RPS6KA2: variants seen among roughly 807,000 people sequenced by gnomAD.
RPS6KA2 encodes ribosomal protein S6 kinase A2.
RPS6KA2 carries 42 observed loss-of-function variants against 91.8 expected under a neutral mutation model. The ratio of observed to expected loss-of-function variants is 0.46; its 90% CI spans 0.36 to 0.59. The LOEUF is 0.59. RPS6KA2 is among the 20% of genes least tolerant of loss of function. The probability of loss-of-function intolerance (pLI) is 0.00; values close to 1 mark genes in which losing one functional copy is unlikely to be tolerated. For synonymous variants in RPS6KA2, 414 were observed against 393.6 expected, an observed-to-expected ratio of 1.05 and a Z score of -0.61; for missense variants, 798 against 978.5, an observed-to-expected ratio of 0.82 and a Z score of 2.46.
intron 3 of RPS6KA2, among the ~76,000 whole-genome samples, chr6:166,517,434 C>G (rs1029987554): frequency 2.7e-5 from 4 of 147,208 alleles, no homozygotes; most frequent in Admixed American, 1.3e-4. Flanking sequence ...CGGAAAACCA[C>G]TTAAGGCGTT....
At chr6:166,694,295 G>A (rs1789296672) in intron 2 of RPS6KA2, among the ~76,000 whole-genome samples, 1 of 152,246 alleles carries the variant, frequency 6.6e-6, no homozygotes, top group Non-Finnish European at 1.5e-5. Flanking sequence ...AGCGGGAGTT[G>A]GACGGCCTGG....
rs1294365911 is a variant in RPS6KA2, at chr6:166,533,485, T to A, written c.217-2172A>T. On this transcript the variant is annotated intron_variant, in intron 2 of 20. Transcript: ENST00000265678. This position sits in a 1 kb window ranked among gnomAD's most constrained non-coding sequence, Gnocchi z 4.0. Reference sequence around the variant, plus strand: ...TTGTGTTTGTGGCAGGGACGCCACATTTCCCCGGCATCCTGCAGGTAAGTT... The same window carrying A: ...TTGTGTTTGTGGCAGGGACGCCACAATTCCCCGGCATCCTGCAGGTAAGTT... 6.6e-6 allele frequency among the ~76,000 whole-genome samples: 1 copy of A among 152,208 alleles called. No individual in the cohort carries two copies. The highest frequency in any genetic ancestry group is 1.5e-5 in the Non-Finnish European group (1 of 68,040).
At chr6:166,749,931 G>A (rs1050276090) in intron 2 of RPS6KA2, among the ~76,000 whole-genome samples, 1 of 151,616 alleles carries the variant, frequency 6.6e-6, no homozygotes, top group Admixed American at 6.6e-5. Context: ...GGGGAAGGGG[G>A]ATACTGAGTG....
At chr6:166,781,863 G>A (rs891460043) in intron 2 of RPS6KA2, among the ~76,000 whole-genome samples, 1 of 152,184 alleles carries the variant, frequency 6.6e-6, no homozygotes. Context: ...CACCAGTGTC[G>A]ACATTCTGAG....
chr6:166,754,915 G>A (rs1214446780), intron 2 of RPS6KA2, among the ~76,000 whole-genome samples: 1 of 152,198 alleles, frequency 6.6e-6, no homozygotes, highest in East Asian at 1.9e-4. Flanking sequence ...GTCACAGGGT[G>A]AACTTGGGTC....
intron 17 of RPS6KA2, among the ~76,000 whole-genome samples, chr6:166,420,702 TGGA>T (rs1461031576): frequency 6.6e-6 from 1 of 152,250 alleles, no homozygotes; most frequent in Non-Finnish European, 1.5e-5. Flanking sequence ...TGAACATGGG[TGGA>T]CACATGTCTC....
At position 166,770,147 on chromosome 6, in the gene RPS6KA2, A is replaced by G. The variant is rs1778426960; in HGVS notation, c.123+88053T>C. Among the ~76,000 whole-genome samples, 1 of 152,228 alleles carries G rather than the reference A, an allele frequency of 6.6e-6. No individual in the cohort carries two copies. The highest frequency in any genetic ancestry group is 1.5e-5 in the Non-Finnish European group (1 of 68,032). Reference sequence around the variant, plus strand: ...AGAGGCGCGGCCCCAAGGATGATCAATCCCATGGTGTCACAACCACATGTG... The same window carrying G: ...AGAGGCGCGGCCCCAAGGATGATCAGTCCCATGGTGTCACAACCACATGTG... On this transcript the variant is annotated intron_variant, in intron 2 of 21. Transcript: ENST00000503859. The surrounding 1 kb of genome is among the most constrained non-coding windows in gnomAD (Gnocchi z 5.1).
intron 11 of RPS6KA2, among the ~76,000 whole-genome samples, chr6:166,469,401 A>T (rs991325009): frequency 4.0e-5 from 6 of 150,650 alleles, no homozygotes; most frequent in Non-Finnish European, 8.8e-5. Flanking sequence ...GCAGTATCGA[A>T]TCTGGGCCTG....
chr6:166,617,092 G>A (rs1786443486), intron 1 of RPS6KA2, among the ~76,000 whole-genome samples: 1 of 152,218 alleles, frequency 6.6e-6, no homozygotes, highest in African/African-American at 2.4e-5. Context: ...GCTGGAATGT[G>A]CAGAGGGAAG....
chr6:166,639,445 T>G lies in RPS6KA2; in HGVS notation c.124-100661A>C, dbSNP rs1419046385. On this transcript the variant is annotated intron_variant, in intron 2 of 21. Coordinates refer to the RPS6KA2 transcript ENST00000503859. This position sits in a 1 kb window ranked among gnomAD's most constrained non-coding sequence, Gnocchi z 4.2. ...GTAATTACTGGCTAAAGGCTTTCCC[T>G]ACAACCCACCTGTGGTCCTGCCACC... 6.6e-6 allele frequency among the ~76,000 whole-genome samples: 1 copy of G among 152,246 alleles called. No individual in the cohort carries two copies. The highest frequency in any genetic ancestry group is 1.5e-5 in the Non-Finnish European group (1 of 68,044).
At chr6:166,485,866 C>T (rs564074978) in intron 10 of RPS6KA2, among the ~76,000 whole-genome samples, 3 of 152,320 alleles carry the variant, frequency 2.0e-5, no homozygotes, top group South Asian at 4.1e-4. Context: ...GCTGCATCTC[C>T]CACCACTGGG....
intron 6 of RPS6KA2, among the ~76,000 whole-genome samples, chr6:166,501,858 TA>T (rs1175266454): frequency 6.6e-6 from 1 of 152,218 alleles, no homozygotes; most frequent in Non-Finnish European, 1.5e-5. Flanking sequence ...CTTGGAGGAT[TA>T]ATCTGTGATA....
At chr6:166,602,140 G>GCACGA (rs1295561126) in intron 1 of RPS6KA2, among the ~76,000 whole-genome samples, 11 of 152,236 alleles carry the variant, frequency 7.2e-5, no homozygotes, top group African/African-American at 2.7e-4. Context: ...CGGGCAGTGC[G>GCACGA]TGTTCCGGCC....
intron 7 of RPS6KA2, among the ~76,000 whole-genome samples, chr6:166,498,944 G>A (rs1477271574): frequency 2.0e-5 from 3 of 152,318 alleles, no homozygotes; most frequent in Admixed American, 6.5e-5. Flanking sequence ...TCAGTGACGG[G>A]AACTCCCCCA....
chr6:166,862,144 T>C (rs373004668), exon 1 of RPS6KA2: 10 of 1,614,138 alleles, frequency 6.2e-6, no homozygotes, highest in Admixed American at 1.7e-5. Context: ...TCTTTTTCCA[T>C]AGTTCCAGCA....
chr6:166,441,799 A>G lies in RPS6KA2; in HGVS notation c.1332+6925T>C, dbSNP rs142256135. ...TGCTGCCAGTGACCTCGGAGCACAGACTGAAAACAGAGGTCTACATGAACG... is the reference window on the plus strand; with the variant it reads ...TGCTGCCAGTGACCTCGGAGCACAGGCTGAAAACAGAGGTCTACATGAACG... On this transcript the variant is annotated intron_variant, in intron 14 of 20. Transcript: ENST00000265678. Among the ~76,000 whole-genome samples, 552 of 152,348 alleles carry G rather than the reference A, an allele frequency of 3.6e-3. 4 individuals are homozygous for G. The highest frequency in any genetic ancestry group is 6.2e-3 in the Non-Finnish European group (423 of 68,036).
At chr6:166,414,554 C>A (rs966667080) in intron 19 of RPS6KA2, among the ~76,000 whole-genome samples, 5 of 152,180 alleles carry the variant, frequency 3.3e-5, no homozygotes, top group Admixed American at 2.6e-4. Context: ...TTGCAGAGTA[C>A]TTGGTTACAG....
At chr6:166,822,570 A>T (rs940558756) in intron 2 of RPS6KA2, among the ~76,000 whole-genome samples, 8 of 152,166 alleles carry the variant, frequency 5.3e-5, no homozygotes. Context: ...GGGCAGCCCT[A>T]GACACAGACA....
rs1782312571 is a variant in RPS6KA2, at chr6:166,508,005, C to T, written c.459+198G>A. Among the ~76,000 whole-genome samples, 1 of 150,122 alleles carries T rather than the reference C, an allele frequency of 6.7e-6. No homozygotes were observed. Among genetic ancestry groups the T allele is most frequent in the Non-Finnish European group, 1.5e-5 (1 of 67,476 alleles). The stretch of plus-strand genomic sequence containing the variant: ...TCGCAACCCCCCACCACACATCATG[C>T]ACACTTGCACACACTCACACATGTA... On this transcript the variant is annotated intron_variant, in intron 5 of 20. Coordinates refer to ENST00000265678, the MANE Select transcript of RPS6KA2 (RefSeq NM_021135.6). This position sits in a 1 kb window ranked among gnomAD's most constrained non-coding sequence, Gnocchi z 4.3.
Sources: gnomAD v4.1 joint callset for allele counts (sites outside exome capture counted in the v4.1 genomes callset) on GRCh38, gnomAD v4.1.1 for gene constraint, Gnocchi (gnomAD v3.1) non-coding constraint, MANE v1.5 for transcripts, NCBI Gene and HGNC (gene_info 2026-07-23, HGNC 2026-07-21) for gene names.